Variants in EYS observed in about 807,000 individuals in gnomAD.
EYS encodes protein eyes shut homolog.
In EYS, 250 loss-of-function variants were observed where a neutral mutation model predicts 282.1. That is an observed-to-expected ratio of 0.89 (90% CI 0.80 to 0.98). EYS has a LOEUF of 0.98. EYS is among the 50% of genes least tolerant of loss of function. The pLI is 0.00. For missense variants in EYS, 4,016 were observed against 3,709.0 expected, an observed-to-expected ratio of 1.08 and a Z score of -2.15; for synonymous variants, 1,355 against 1,282.9, an observed-to-expected ratio of 1.06 and a Z score of -1.20.
At chr6:65,604,951 C>T (rs1765735567) in intron 2 of EYS, among the ~76,000 whole-genome samples, 1 of 149,442 alleles carries the variant, frequency 6.7e-6, no homozygotes. Context: ...TTAAGCTAGT[C>T]TCCCACCTTA....
chr6:65,095,198 T>C (rs541636311), intron 12 of EYS, among the ~76,000 whole-genome samples: 1 of 151,298 alleles, frequency 6.6e-6, no homozygotes, highest in Admixed American at 6.6e-5. Context: ...TAATCAAAAA[T>C]TTCTTAAAAA....
chr6:64,370,387 G>T (rs1772323135), intron 29 of EYS, among the ~76,000 whole-genome samples: 1 of 152,048 alleles, frequency 6.6e-6, no homozygotes, highest in Non-Finnish European at 1.5e-5. Flanking sequence ...GATCATGGTG[G>T]ATTAGCTTTT....
intron 24 of EYS, among the ~76,000 whole-genome samples, chr6:64,593,831 C>G (rs1222115580): frequency 6.6e-6 from 1 of 152,034 alleles, no homozygotes; most frequent in Non-Finnish European, 1.5e-5. Flanking sequence ...AAGGCTATTT[C>G]TACCATATCC....
intron 7 of EYS, among the ~76,000 whole-genome samples, chr6:65,387,226 C>A (rs1422007510): frequency 6.6e-6 from 1 of 151,888 alleles, no homozygotes; most frequent in Non-Finnish European, 1.5e-5. Context: ...ATGCACACTA[C>A]TGATTTTAAT....
At chr6:64,198,615 T>C (rs1024804850) in intron 31 of EYS, among the ~76,000 whole-genome samples, 8 of 152,152 alleles carry the variant, frequency 5.3e-5, no homozygotes, top group African/African-American at 1.7e-4. Context: ...CTGAGAATGA[T>C]GGTTCCCAGC....
At chr6:63,921,521 G>A (rs1161476032) in intron 35 of EYS, among the ~76,000 whole-genome samples, 1 of 152,192 alleles carries the variant, frequency 6.6e-6, no homozygotes, top group Non-Finnish European at 1.5e-5. Context: ...GACATATGCG[G>A]TGGCAATTCT....
chr6:64,999,465 A>G (rs1771386674), intron 13 of EYS, among the ~76,000 whole-genome samples: 1 of 151,986 alleles, frequency 6.6e-6, no homozygotes, highest in African/African-American at 2.4e-5. Context: ...CAGAAGGGGG[A>G]AGGGAAGTGC....
rs140320563 is a variant in EYS, at chr6:65,705,165, T to G, written c.-448+1970A>C. On this transcript the variant is annotated intron_variant, in intron 1 of 42. Transcript: ENST00000503581. ...TACTATGAGCCTCTGCAAGCATACA[T>G]GATTTTCATTAAGATTATTAAGTGG... Among the ~76,000 whole-genome samples the G allele has an allele frequency of 5.0e-3, 755 of 152,284 alleles. 6 individuals carry two copies. The highest frequency in any genetic ancestry group is 0.017 in the African/African-American group (713 of 41,560).
At chr6:63,755,093 G>A (rs749236981) in intron 41 of EYS, among the ~76,000 whole-genome samples, 17 of 151,830 alleles carry the variant, frequency 1.1e-4, no homozygotes, top group East Asian at 3.9e-4. Flanking sequence ...GATATTTGCC[G>A]TTTTTCAGAT....
chr6:63,827,570 C>T (rs955691453), intron 36 of EYS, among the ~76,000 whole-genome samples: 9 of 152,218 alleles, frequency 5.9e-5, no homozygotes, highest in South Asian at 4.1e-4. Context: ...ATCGGCCGGG[C>T]GCGGTGGCTC....
intron 5 of EYS, among the ~76,000 whole-genome samples, chr6:65,445,146 T>A (rs957890599): frequency 6.6e-6 from 1 of 151,940 alleles, no homozygotes; most frequent in African/African-American, 2.4e-5. Context: ...AATGTTTTGA[T>A]AATTATTTTT....
intron 2 of EYS, among the ~76,000 whole-genome samples, chr6:65,501,703 T>C (rs973542529): frequency 6.6e-5 from 10 of 151,936 alleles, no homozygotes; most frequent in Middle Eastern, 3.5e-3. Context: ...TATCAAAATA[T>C]ATAATTCCAT....
At chr6:64,901,631 A>T (rs1767666795) in intron 18 of EYS, among the ~76,000 whole-genome samples, 1 of 152,080 alleles carries the variant, frequency 6.6e-6, no homozygotes, top group Non-Finnish European at 1.5e-5. Flanking sequence ...GTACTTGTGT[A>T]TTTAGAGAAA....
At chr6:64,007,790 T>C (rs895469919) in intron 33 of EYS, among the ~76,000 whole-genome samples, 4 of 152,206 alleles carry the variant, frequency 2.6e-5, no homozygotes, top group Non-Finnish European at 5.9e-5. Context: ...CATGTGATTG[T>C]ATGATTTTCA....
intron 5 of EYS, among the ~76,000 whole-genome samples, chr6:65,461,872 A>T (rs1458939010): frequency 6.6e-6 from 1 of 152,138 alleles, no homozygotes; most frequent in Non-Finnish European, 1.5e-5. Context: ...CATTCCAAAA[A>T]ATGATTTATC....
rs369192683 is a variant in EYS at position 65,621,400 on chromosome 6, G to T, written c.-333+18378C>A. ...CCCCTGCCTTTTTTTGTTTTCCATT[G>T]GCTTGGTAGATCTTCCTCCATCCTT... On this transcript the variant is annotated intron_variant, in intron 2 of 42. Transcript: ENST00000503581. Among the ~76,000 whole-genome samples the T allele has an allele frequency of 4.2e-4, 63 of 150,872 alleles. 1 individual carries two copies. Among genetic ancestry groups the T allele is most frequent in the African/African-American group, 1.2e-3 (49 of 41,036 alleles).
chr6:64,551,956 A>G (rs1765098889), intron 26 of EYS, among the ~76,000 whole-genome samples: 1 of 152,158 alleles, frequency 6.6e-6, no homozygotes, highest in Non-Finnish European at 1.5e-5. Context: ...GCTATCGATG[A>G]CAAATCCACA....
chr6:64,755,349 A>T (rs1244533395), intron 22 of EYS, among the ~76,000 whole-genome samples: 3 of 152,146 alleles, frequency 2.0e-5, no homozygotes, highest in Admixed American at 1.3e-4. Flanking sequence ...GAAACCCCAA[A>T]GCAATCTATA....
intron 14 of EYS, among the ~76,000 whole-genome samples, chr6:64,994,067 A>C (rs1455267072): frequency 6.6e-6 from 1 of 152,050 alleles, no homozygotes; most frequent in African/African-American, 2.4e-5. Context: ...ATACTAGATT[A>C]ATTTGATCAT....
Sources: gnomAD v4.1 joint callset for allele counts (sites outside exome capture counted in the v4.1 genomes callset) on GRCh38, gnomAD v4.1.1 for gene constraint, MANE v1.5 for transcripts, NCBI Gene and HGNC (gene_info 2026-07-23, HGNC 2026-07-21) for gene names.